Variants in SYNJ2 observed in about 807,000 individuals in gnomAD.
SYNJ2 encodes synaptojanin 2.
In SYNJ2, 116 loss-of-function variants were observed where a neutral mutation model predicts 141.3. The ratio of observed to expected loss-of-function variants is 0.82; its 90% confidence interval spans 0.71 to 0.96. SYNJ2 has a LOEUF of 0.96. Ranked by LOEUF, SYNJ2 falls within the 40% of genes least tolerant of loss-of-function variation. SYNJ2 has a pLI of 0.00. For synonymous variants in SYNJ2, 745 were observed against 777.7 expected (o/e 0.96, Z 0.70); for missense variants, 1,873 against 1,934.8 (o/e 0.97, Z 0.60).
At chr6:157,984,645 C>T (rs1008693807) in intron 1 of SYNJ2, among the ~76,000 whole-genome samples, 2 of 152,062 alleles carry the variant, frequency 1.3e-5, no homozygotes, top group Non-Finnish European at 2.9e-5. Context: ...CTTAGGTGAT[C>T]CACCTGCTTT....
chr6:158,064,863 G>T lies in SYNJ2; in HGVS notation c.1397G>T (p.Arg466Leu). ...AAGGATGGAGCCCGGTCCATGTCTC[G>T]AACCATCCAGTCCAACTTCTTCGAC... ...KLKDGARSMS[R>L]TIQSNFFDGV... The change falls in exon 11 of 27, where the codon CGA (arginine) becomes CTA (leucine). Residue 466 changes from arginine to leucine, a missense_variant. Physicochemically the swap from Arg to Leu is moderately radical, Grantham distance 102. Transcript: ENST00000355585. 6.2e-7 allele frequency: 1 copy of T among 1,612,492 alleles called. No homozygotes were observed. The highest frequency in any genetic ancestry group is 8.5e-7 in the Non-Finnish European group (1 of 1,179,056).
upstream of SYNJ2, chr6:157,981,796 TGGGGAGGAGGAGGAA>T (rs1777019735): frequency 8.3e-6 from 4 of 481,172 alleles, no homozygotes; most frequent in Middle Eastern, 6.6e-4. The surrounding 1 kb of genome is among the most constrained non-coding windows in gnomAD (Gnocchi z 6.4). Context: ...GAGGCGCGAG[TGGGGAGGAGGAGGAA>T]GGGGAGGAGG....
At chr6:158,074,857 T>C (rs1782168018) in intron 16 of SYNJ2, 119 bp downstream of exon 16, 1 of 1,229,892 alleles carries the variant, frequency 8.1e-7, no homozygotes. Context: ...GTTTCCAACA[T>C]TGTAGAAAAT....
At chr6:158,088,048 T>A in intron 23 of SYNJ2, among the ~76,000 whole-genome samples, 2 of 38,272 alleles carry the variant, frequency 5.2e-5, no homozygotes, top group Non-Finnish European at 1.1e-4. Context: ...TTTTTTTTTT[T>A]TTTTTTTTTT....
rs75446188 is a variant in SYNJ2, at chr6:158,069,166, A to G, written c.1800-367A>G. On this transcript the variant is annotated intron_variant, in intron 13 of 26. Coordinates refer to ENST00000355585, the MANE Select transcript of SYNJ2 (RefSeq NM_003898.4). ...GCACACCAGGGCAAAGGAAAAAATC[A>G]AAACCACTGGATTTTTATTTGATAT... Among the ~76,000 whole-genome samples, 3 of 152,230 alleles carry G rather than the reference A, an allele frequency of 2.0e-5. No individual in the cohort carries two copies. The East Asian group carries it at 5.8e-4, about 29-fold the overall frequency.
chr6:158,051,959 G>GAAA (rs112721746), intron 5 of SYNJ2, among the ~76,000 whole-genome samples: 17 of 134,624 alleles, frequency 1.3e-4, no homozygotes, highest in Non-Finnish European at 1.5e-4. Flanking sequence ...CTGTCTCAAA[G>GAAA]AAAAAAAAAA....
chr6:157,990,681 G>A (rs1178787533), intron 1 of SYNJ2, among the ~76,000 whole-genome samples: 1 of 152,212 alleles, frequency 6.6e-6, no homozygotes, highest in Non-Finnish European at 1.5e-5. Context: ...TTTAAGGTGA[G>A]CACGGGCTCC....
At chr6:158,020,109 T>C (rs67026903) in intron 2 of SYNJ2, among the ~76,000 whole-genome samples, 21,035 of 149,118 alleles carry the variant, frequency 0.14, 2,453 homozygotes, top group African/African-American at 0.3. Flanking sequence ...TCCAATTGTG[T>C]GACTAACTCC....
At chr6:158,075,416 G>A (rs970464242) in intron 16 of SYNJ2, among the ~76,000 whole-genome samples, 10 of 151,726 alleles carry the variant, frequency 6.6e-5, no homozygotes, top group African/African-American at 1.9e-4. Flanking sequence ...CGAGGCGTGC[G>A]GATCACCTGA....
At chr6:158,076,187 G>A (rs1782273230) in intron 16 of SYNJ2, among the ~76,000 whole-genome samples, 1 of 152,090 alleles carries the variant, frequency 6.6e-6, no homozygotes, top group African/African-American at 2.4e-5. Context: ...GACCCCAGGG[G>A]GAGAGAGAGA....
chr6:158,052,157 T>C (rs1378559138), intron 5 of SYNJ2, among the ~76,000 whole-genome samples: 2 of 152,188 alleles, frequency 1.3e-5, no homozygotes, highest in Non-Finnish European at 2.9e-5. Context: ...ATAACATAGA[T>C]AAATCTGCTG....
At chr6:158,074,471 A>G in intron 15 of SYNJ2, 109 bp from the exon 16 acceptor site, 3 of 1,236,792 alleles carry the variant, frequency 2.4e-6, no homozygotes, top group African/African-American at 1.5e-5. Context: ...TTTTCTAAGT[A>G]GCATTTTGAG....
intron 23 of SYNJ2, among the ~76,000 whole-genome samples, chr6:158,087,756 A>C (rs1405041660): frequency 6.6e-6 from 1 of 152,212 alleles, no homozygotes; most frequent in South Asian, 2.1e-4. Flanking sequence ...TTATTGTGGA[A>C]ATTTTAGAGA....
rs1782910509 is a variant in SYNJ2, at chr6:158,084,522, C to T, written c.3208+348C>T. 6.6e-6 allele frequency among the ~76,000 whole-genome samples: 1 copy of T among 152,086 alleles called. No homozygotes were observed. The highest frequency in any genetic ancestry group is 2.4e-5 in the African/African-American group (1 of 41,412). ...CGCCCCCAACAAAACTCTTCTGATT[C>T]AGCCAGGCGCAGTGGCTCACACCTG... On this transcript the variant is annotated intron_variant, in intron 22 of 26. Coordinates refer to ENST00000355585, the MANE Select transcript of SYNJ2 (RefSeq NM_003898.4). The surrounding 1 kb of genome is among the most constrained non-coding windows in gnomAD (Gnocchi z 5.0).
intron 3 of SYNJ2, among the ~76,000 whole-genome samples, chr6:158,033,126 C>T (rs751006968): frequency 2.0e-5 from 3 of 152,338 alleles, no homozygotes; most frequent in South Asian, 2.1e-4. Flanking sequence ...GGCCCCTTTG[C>T]GATTCCCCGA....
intron 12 of SYNJ2, chr6:158,067,916 C>T (rs1295772735): frequency 5.1e-6 from 5 of 985,122 alleles, no homozygotes; most frequent in South Asian, 4.7e-5. Flanking sequence ...GCTCAAGAGC[C>T]GTCCCTCCAG....
chr6:158,092,811 T>C (rs1036383554), intron 25 of SYNJ2, 115 bp from the exon 26 acceptor site: 1 of 1,025,300 alleles, frequency 9.8e-7, no homozygotes, highest in Non-Finnish European at 1.4e-6. Flanking sequence ...AGCTGATTAC[T>C]CCTGAAATAC....
intron 21 of SYNJ2, 45 bp downstream of exon 21, chr6:158,083,642 A>C (rs1392535691): frequency 1.2e-6 from 2 of 1,610,952 alleles, no homozygotes; most frequent in Non-Finnish European, 1.7e-6. Context: ...TTCTTCTAGC[A>C]ACAGGCCTGA....
chr6:158,032,851 C>T (rs13204355), intron 3 of SYNJ2, among the ~76,000 whole-genome samples: 57,116 of 152,086 alleles, frequency 0.38, 11,033 homozygotes, highest in Middle Eastern at 0.48. Context: ...ATCCACTAGG[C>T]ATGGAGAGGG....
Sources: gnomAD v4.1 joint callset for allele counts (sites outside exome capture counted in the v4.1 genomes callset) on GRCh38, gnomAD v4.1.1 for gene constraint, Gnocchi (gnomAD v3.1) non-coding constraint, MANE v1.5 for transcripts, NCBI Gene and HGNC (gene_info 2026-07-23, HGNC 2026-07-21) for gene names.